The following RYR1 variants were observed in gnomAD, a reference collection of about 807,000 sequenced individuals.
RYR1 encodes the protein central core disease of muscle.
In RYR1, 342 loss-of-function variants were observed where a neutral mutation model predicts 583.5. The ratio of observed to expected loss-of-function variants is 0.59; its 90% CI spans 0.54 to 0.64. The LOEUF is 0.64. Ranked by LOEUF, RYR1 falls within the 30% of genes least tolerant of loss-of-function variation. The pLI is 0.00. For synonymous variants in RYR1, 2,791 were observed against 2,822.5 expected, an observed-to-expected ratio of 0.99 and a Z score of 0.35; for missense variants, 6,032 against 6,917.2, an observed-to-expected ratio of 0.87 and a Z score of 4.54.
rs1295249308 is a variant in RYR1 at position 38,496,592 on chromosome 19, C to T, written c.6796+51C>T. On this transcript the variant is annotated intron_variant, in intron 41 of 105. Transcript: ENST00000359596. This position sits in a 1 kb window ranked among gnomAD's most constrained non-coding sequence, Gnocchi z 4.8. Reference sequence around the variant, plus strand: ...GTCCCCCAGAACCCACTCCTGGCACCCCGTCCAGGCCTGCCCCACTTTCCA... The same window carrying T: ...GTCCCCCAGAACCCACTCCTGGCACTCCGTCCAGGCCTGCCCCACTTTCCA... The T allele has an allele frequency of 6.2e-7, 1 of 1,604,806 alleles. No homozygotes were observed. The highest frequency in any genetic ancestry group is 8.5e-7 in the Non-Finnish European group (1 of 1,173,630).
rs71165560 is a variant in RYR1 at position 38,551,025 on chromosome 19, C to CT, written c.12282+2644dup. ...CATTTATATCAGTGTGGATTCACGG[C>CT]TTTTTTTTTTTTTTTTTTTTTTTTT... On this transcript the variant is annotated intron_variant, in intron 89 of 105. Coordinates refer to ENST00000359596, the MANE Select transcript of RYR1 (RefSeq NM_000540.3). Among the ~76,000 whole-genome samples, 25 of 41,356 alleles carry CT rather than the reference C, an allele frequency of 6.0e-4. 6 individuals are homozygous for CT. Among genetic ancestry groups the CT allele is most frequent in the Non-Finnish European group, 6.5e-4 (14 of 21,656 alleles). 27.1% of individuals were successfully genotyped at this position (41,356 alleles called of 152,430 possible). A position where few individuals can be genotyped will look rare whatever the true frequency, so the allele number is the denominator to read the frequency against.
chr19:38,460,301 C>T (rs971323100), intron 19 of RYR1, 74 bp from the exon 20 acceptor site: 35 of 1,365,230 alleles, frequency 2.6e-5, no homozygotes, highest in Admixed American at 1.5e-4. Context: ...AGGACTGCTT[C>T]CATGTCCCCC....
chr19:38,532,772 G>C, intron 78 of RYR1, 36 bp downstream of exon 78: 1 of 1,602,210 alleles, frequency 6.2e-7, no homozygotes, highest in Non-Finnish European at 8.5e-7. Flanking sequence ...GGGAAGGGAT[G>C]GGGGACCCTG....
chr19:38,585,115 G>C lies in RYR1; in HGVS notation c.14803+16G>C, dbSNP rs767981520. On this transcript the variant is annotated intron_variant, in intron 102 of 105. Transcript: ENST00000359596. ...ATCATCCAGGGTCAGTGCTGGGAGT[G>C]GGCGCTCAGGGCCCGGAGGCAGGCT... 6.2e-7 allele frequency: 1 copy of C among 1,612,864 alleles called. No individual in the cohort carries two copies. Among genetic ancestry groups the C allele is most frequent in the Admixed American group, 1.7e-5 (1 of 59,840 alleles).
intron 34 of RYR1, 114 bp downstream of exon 34, chr19:38,486,316 C>T: frequency 8.1e-7 from 1 of 1,234,124 alleles, no homozygotes; most frequent in Non-Finnish European, 1.2e-6. Context: ...CATTCATTCC[C>T]TCCTCTATAC....
intron 88 of RYR1, 25 bp from the exon 89 acceptor site, chr19:38,548,208 C>T (rs1301520181): frequency 2.4e-5 from 39 of 1,613,676 alleles, no homozygotes; most frequent in Non-Finnish European, 3.1e-5. Context: ...GTTCACCGGC[C>T]ACACTGACCT....
intron 26 of RYR1, 58 bp downstream of exon 26, chr19:38,469,198 C>G: frequency 6.2e-7 from 1 of 1,609,818 alleles, no homozygotes; most frequent in East Asian, 2.2e-5. Context: ...TCTCCCAACC[C>G]TGCACTGCCC....
At position 38,469,509 on chromosome 19, in the gene RYR1, A is replaced by G. The variant is rs374083094; in HGVS notation, c.3761A>G (p.Tyr1254Cys). The G allele has an allele frequency of 6.2e-7, 1 of 1,613,946 alleles. No homozygotes were observed. The highest frequency in any genetic ancestry group is 8.5e-7 in the Non-Finnish European group (1 of 1,179,942). ...FEPVPLEHPH[Y>C]EVSRVDGTVD... The stretch of plus-strand genomic sequence containing the variant: ...CCAGTGCCCCTTGAACACCCTCACT[A>G]TGAGGTAAGGACTGAGCCCCTCAAT... The change falls in exon 27 of 106, where the codon TAT becomes TGT. Residue 1254 changes from tyrosine to cysteine, a missense_variant. Coordinates refer to ENST00000359596, the MANE Select transcript of RYR1 (RefSeq NM_000540.3).
rs778758225 is a variant in RYR1 at position 38,440,772 on chromosome 19, G to A, written c.73G>A (p.Ala25Thr). The change falls in exon 2 of 106, where the codon GCT becomes ACT. Residue 25 changes from alanine (A) to threonine (T), a missense_variant. Around this residue, in one of 11 missense-constraint regions of RYR1, gnomAD observed 71 missense variants for 75.3 expected, o/e 0.94. Transcript: ENST00000359596. ...TDDEVVLQCSATVLKEQLKLC... is the reference protein window; with the variant it reads ...TDDEVVLQCSTTVLKEQLKLC... ...CGATGAGGTGGTCCTGCAGTGCAGCGCTACCGTGCTCAAGGAGCAGCTCAA... is the reference window on the plus strand; with the variant it reads ...CGATGAGGTGGTCCTGCAGTGCAGCACTACCGTGCTCAAGGAGCAGCTCAA... 4 of 1,608,734 alleles carry A rather than the reference G, an allele frequency of 2.5e-6. No individual in the cohort carries two copies. Among genetic ancestry groups the A allele is most frequent in the South Asian group, 1.1e-5 (1 of 90,450 alleles).
intron 30 of RYR1, 24 bp downstream of exon 30, chr19:38,477,894 G>GGT: frequency 9.2e-7 from 1 of 1,083,054 alleles, no homozygotes; most frequent in Non-Finnish European, 1.4e-6. Context: ...GGGGAGGTGG[G>GGT]AGGTGCAGGG....
chr19:38,565,021 G>A lies in RYR1; in HGVS notation c.12687G>A (p.Lys4229=). Residue 4229 remains lysine (K), a synonymous_variant, in exon 91 of 106, where the codon AAG becomes AAA. Coordinates refer to ENST00000359596, the MANE Select transcript of RYR1 (RefSeq NM_000540.3). The surrounding 1 kb of genome is among the most constrained non-coding windows in gnomAD (Gnocchi z 4.7). The part of the protein sequence containing the change: ...DVVNEGGEAE[K]MELFVSFCED... ...TGAACGAGGGCGGCGAGGCTGAGAA[G>A]ATGGAGCTCTTCGTGAGTTTCTGCG... The A allele has an allele frequency of 1.3e-6, 2 of 1,590,280 alleles. No homozygotes were observed. Among genetic ancestry groups the A allele is most frequent in the Non-Finnish European group, 1.7e-6 (2 of 1,169,110 alleles).
chr19:38,442,075 G>T (rs1441526574), intron 2 of RYR1, among the ~76,000 whole-genome samples: 1 of 151,886 alleles, frequency 6.6e-6, no homozygotes, highest in Non-Finnish European at 1.5e-5. Context: ...ACACGGGTTA[G>T]TGGGGAGGGT....
Position 38,510,666 on chromosome 19 carries a change from C to T in RYR1, c.9007C>T (p.Leu3003Phe), listed in dbSNP as rs1970687243. The change falls in exon 60 of 106, where the codon CTC becomes TTC. Residue 3003 changes from leucine (L) to phenylalanine (F), a missense_variant. By Grantham distance (22) the Leu-to-Phe change is conservative. Transcript: ENST00000359596. Reference protein sequence around the residue: ...QEIKFFAKILLPLINQYFTNH... With the variant: ...QEIKFFAKILFPLINQYFTNH... ...TCCCCCAACCCGTCTCCAGATCCTG[C>T]TCCCTTTGATCAACCAGTACTTCAC... 9 of 1,614,174 alleles carry T rather than the reference C, an allele frequency of 5.6e-6. No individual in the cohort carries two copies. Among genetic ancestry groups the T allele is most frequent in the Non-Finnish European group, 7.6e-6 (9 of 1,180,022 alleles).
In RYR1 at chr19:38,565,111, C is replaced by T; in HGVS notation, c.12777C>T (p.Thr4259=). The T allele has an allele frequency of 6.5e-7, 1 of 1,542,754 alleles. No homozygotes were observed. The highest frequency in any genetic ancestry group is 1.2e-5 in the South Asian group (1 of 84,282). The change falls in exon 91 of 106, where the codon ACC becomes ACT. Residue 4259 remains threonine (T), a synonymous_variant. Transcript: ENST00000359596. This position sits in a 1 kb window ranked among gnomAD's most constrained non-coding sequence, Gnocchi z 4.7. ...CGGAGCCCGAGGGCGAGCCGGAGACCGACGAGGACGAGGGCGCGGGCGCGG... is the reference window on the plus strand; with the variant it reads ...CGGAGCCCGAGGGCGAGCCGGAGACTGACGAGGACGAGGGCGCGGGCGCGG... ...QISEPEGEPE[T]DEDEGAGAAE...
At chr19:38,513,972 A>C (rs960011140) in intron 63 of RYR1, among the ~76,000 whole-genome samples, 3 of 152,138 alleles carry the variant, frequency 2.0e-5, no homozygotes, top group Admixed American at 6.5e-5. Context: ...CATTACCCAC[A>C]AAATGTCTTT....
chr19:38,517,258 G>A (rs984521523), intron 65 of RYR1, 101 bp from the exon 66 acceptor site: 9 of 1,178,802 alleles, frequency 7.6e-6, no homozygotes, highest in Non-Finnish European at 9.8e-6. Flanking sequence ...GTTTAAGGGG[G>A]GTGGCAATTC....
At chr19:38,550,677 A>G (rs902871367) in intron 89 of RYR1, among the ~76,000 whole-genome samples, 39 of 152,060 alleles carry the variant, frequency 2.6e-4, no homozygotes, top group African/African-American at 9.2e-4. Flanking sequence ...CACCTGGCCA[A>G]TGTCTCTTCC....
intron 96 of RYR1, among the ~76,000 whole-genome samples, chr19:38,575,224 C>T (rs1568598323): frequency 2.0e-5 from 3 of 152,156 alleles, no homozygotes; most frequent in Non-Finnish European, 2.9e-5. Context: ...TCCTCCCCAC[C>T]CATCACCACG....
At chr19:38,441,921 G>C (rs1012473109) in intron 2 of RYR1, among the ~76,000 whole-genome samples, 13 of 151,906 alleles carry the variant, frequency 8.6e-5, no homozygotes, top group African/African-American at 3.1e-4. Flanking sequence ...GTGGAGGCAG[G>C]AGGTGGGGCT....
Sources: gnomAD v4.1 joint callset for allele counts (sites outside exome capture counted in the v4.1 genomes callset) on GRCh38, gnomAD v4.1.1 for gene constraint, gnomAD v4.1.1 regional missense constraint, Gnocchi (gnomAD v3.1) non-coding constraint, MANE v1.5 for transcripts, NCBI Gene and HGNC (gene_info 2026-07-23, HGNC 2026-07-21) for gene names.